The following OTOGL variants were observed in gnomAD, a reference collection of about 807,000 sequenced individuals.
OTOGL encodes otogelin-like protein.
In OTOGL, 285 loss-of-function variants were observed where a neutral mutation model predicts 318.5. That is an observed-to-expected ratio of 0.89 (90% CI 0.81 to 0.99). OTOGL has a LOEUF of 0.99. Ranked by LOEUF, OTOGL falls within the 50% of genes least tolerant of loss-of-function variation. OTOGL has a pLI of 0.00. For synonymous variants in OTOGL, 987 were observed against 936.5 expected (o/e 1.05, Z -0.99); for missense variants, 2,899 against 2,845.6 (o/e 1.02, Z -0.43).
intron 6 of OTOGL, among the ~76,000 whole-genome samples, 162 bp from the exon 7 acceptor site, chr12:80,221,927 GTT>G (rs1878383552): frequency 6.6e-6 from 1 of 152,076 alleles, no homozygotes; most frequent in African/African-American, 2.4e-5. Flanking sequence ...GAGTTTGATA[GTT>G]TTGAGAGCAA....
intron 1 of OTOGL, among the ~76,000 whole-genome samples, chr12:80,190,797 A>C (rs1270408462): frequency 1.7e-5 from 1 of 57,384 alleles, no homozygotes; most frequent in African/African-American, 3.3e-5. Context: ...AAAAAAAAAA[A>C]AAAAAAAAAA....
At chr12:80,207,000 A>G (rs1442998028) in intron 1 of OTOGL, among the ~76,000 whole-genome samples, 1 of 152,226 alleles carries the variant, frequency 6.6e-6, no homozygotes. Context: ...CAGAGTTACT[A>G]CATTTTAATT....
chr12:80,240,081 A>G (rs1169624616), intron 11 of OTOGL, among the ~76,000 whole-genome samples: 2 of 152,082 alleles, frequency 1.3e-5, no homozygotes, highest in East Asian at 3.9e-4. Flanking sequence ...TGGCTGAATA[A>G]TATTCCATTG....
chr12:80,173,350 G>A (rs1448352349), intron 1 of OTOGL, among the ~76,000 whole-genome samples: 7 of 152,078 alleles, frequency 4.6e-5, no homozygotes. Context: ...AAAAGGGTGG[G>A]CAATTCCCAG....
rs535890387 is a variant in OTOGL, at chr12:80,296,522, G to T, written c.2929-305G>T. ...ATTTCCCTAAGTGACATATTGTTTT[G>T]TTGATTATTTATTGATAAATAAAAT... On this transcript the variant is annotated intron_variant, in intron 26 of 58. Coordinates refer to ENST00000547103, the MANE Select transcript of OTOGL (RefSeq NM_001378609.3). Among the ~76,000 whole-genome samples, 786 of 152,128 alleles carry T rather than the reference G, an allele frequency of 5.2e-3. 6 individuals carry two copies. The highest frequency in any genetic ancestry group is 0.018 in the African/African-American group (739 of 41,528).
chr12:80,104,405 C>T (rs968401601), intron 1 of OTOGL, among the ~76,000 whole-genome samples: 4 of 152,164 alleles, frequency 2.6e-5, no homozygotes, highest in African/African-American at 9.7e-5. Flanking sequence ...GATACTTAGG[C>T]CCTGCCTCAG....
At chr12:80,108,439 GC>G (rs1164143125) in intron 1 of OTOGL, among the ~76,000 whole-genome samples, 2 of 151,898 alleles carry the variant, frequency 1.3e-5, no homozygotes, top group African/African-American at 2.4e-5. Flanking sequence ...ATATCAAGAG[GC>G]ATTTGTCCCA....
At chr12:80,345,137 ATATAT>A (rs1277418835) in intron 44 of OTOGL, among the ~76,000 whole-genome samples, 2 of 134,918 alleles carry the variant, frequency 1.5e-5, no homozygotes, top group East Asian at 2.0e-4. Flanking sequence ...ATATTATAAT[ATATAT>A]TATATGTTAT....
chr12:80,374,599 A>G (rs762125719), intron 57 of OTOGL, among the ~76,000 whole-genome samples: 2 of 152,186 alleles, frequency 1.3e-5, no homozygotes, highest in Non-Finnish European at 2.9e-5. Context: ...CAGGGGCTCA[A>G]GGAATGAAAT....
chr12:80,238,157 G>A (rs1880031974), intron 9 of OTOGL, among the ~76,000 whole-genome samples: 2 of 152,144 alleles, frequency 1.3e-5, no homozygotes, highest in Admixed American at 1.3e-4. Context: ...ATATCTGTTT[G>A]TTGTTGCCCA....
At chr12:80,102,814 C>A in intron 1 of OTOGL, 1 of 639,454 alleles carries the variant, frequency 1.6e-6, no homozygotes, top group Non-Finnish European at 2.8e-6. Context: ...CTTACCAACT[C>A]TTTACTCTCG....
In OTOGL at chr12:80,378,361, C is replaced by A. The variant is rs1053467486; in HGVS notation, c.*313C>A. ...ACTGGAAGGTTATTTTGCAAAATTC[C>A]TTCAATTTCACTCAGTAGCTCTTTT... is the stretch of plus-strand genomic sequence containing the variant. On this transcript the variant is annotated 3_prime_UTR_variant, in exon 59 of 59. Coordinates refer to ENST00000547103, the MANE Select transcript of OTOGL (RefSeq NM_001378609.3). 1.4e-5 allele frequency: 3 copies of A among 210,186 alleles called. No homozygotes were observed. Among genetic ancestry groups the A allele is most frequent in the African/African-American group, 2.3e-5 (1 of 43,264 alleles). The allele number at this position is 210,186 out of a possible 1,614,324, so 13.0% of individuals were successfully genotyped here.
At chr12:80,121,021 G>C (rs1283640020) in intron 1 of OTOGL, among the ~76,000 whole-genome samples, 2 of 152,148 alleles carry the variant, frequency 1.3e-5, no homozygotes, top group Non-Finnish European at 2.9e-5. Context: ...AGGGTGTGTG[G>C]AGGGACAAAG....
chr12:80,175,369 T>A (rs1466550244), intron 1 of OTOGL, among the ~76,000 whole-genome samples: 1 of 152,182 alleles, frequency 6.6e-6, no homozygotes, highest in Non-Finnish European at 1.5e-5. Flanking sequence ...AATTACATAA[T>A]ATAAAGCAAA....
intron 1 of OTOGL, among the ~76,000 whole-genome samples, chr12:80,188,545 A>AAAAT (rs1292322966): frequency 6.7e-6 from 1 of 148,868 alleles, no homozygotes; most frequent in African/African-American, 2.5e-5. Context: ...CTCAAAAAAA[A>AAAAT]AATAATAATA....
chr12:80,201,680 C>T (rs890754206), intron 1 of OTOGL, among the ~76,000 whole-genome samples: 13 of 152,130 alleles, frequency 8.5e-5, no homozygotes, highest in African/African-American at 3.1e-4. Context: ...TAATGGATTT[C>T]ATAAATGAAA....
chr12:80,236,570 T>G (rs1592586863), intron 9 of OTOGL, among the ~76,000 whole-genome samples: 1 of 152,146 alleles, frequency 6.6e-6, no homozygotes, highest in African/African-American at 2.4e-5. Context: ...AATAAGTGGG[T>G]TTCTAGAAAA....
intron 1 of OTOGL, among the ~76,000 whole-genome samples, chr12:80,110,866 C>T (rs909214187): frequency 3.3e-5 from 5 of 152,238 alleles, no homozygotes; most frequent in African/African-American, 9.6e-5. Flanking sequence ...TACACTCCCA[C>T]CAACAGTGTA....
chr12:80,199,348 A>T (rs557516351), intron 1 of OTOGL, among the ~76,000 whole-genome samples: 1 of 152,202 alleles, frequency 6.6e-6, no homozygotes, highest in South Asian at 2.1e-4. Flanking sequence ...TTCCTAGAAG[A>T]CCTTCTAGAT....
Sources: gnomAD v4.1 joint callset for allele counts (sites outside exome capture counted in the v4.1 genomes callset) on GRCh38, gnomAD v4.1.1 for gene constraint, MANE v1.5 for transcripts, NCBI Gene and HGNC (gene_info 2026-07-23, HGNC 2026-07-21) for gene names.